Variants in RPL5 observed in about 807,000 individuals in gnomAD.
RPL5 encodes the protein ribosomal protein L5, also known as large ribosomal subunit protein uL18.
In RPL5, 1 loss-of-function variant was observed where a neutral mutation model predicts 38.4. The ratio of observed to expected loss-of-function variants is 0.03; its 90% CI spans 0.01 to 0.12. The LOEUF (loss-of-function observed/expected upper bound fraction) is 0.12. Among genes scored for constraint, RPL5 ranks in the 10% least tolerant of loss-of-function variants. The pLI, the probability that RPL5 is intolerant of heterozygous loss-of-function variation, is 1.00. For missense variants in RPL5, 243 were observed against 374.1 expected, an observed-to-expected ratio of 0.65 and a Z score of 2.89; for synonymous variants, 109 against 121.2, an observed-to-expected ratio of 0.90 and a Z score of 0.66.
At chr1:92,839,114 C>T (rs1225242766) in intron 6 of RPL5, among the ~76,000 whole-genome samples, 14 of 148,730 alleles carry the variant, frequency 9.4e-5, no homozygotes, top group Admixed American at 2.0e-4. Context: ...AATCCCCGGA[C>T]TTGGGAGGCC....
chr1:92,837,035 T>G, intron 5 of RPL5: 1 of 275,826 alleles, frequency 3.6e-6, no homozygotes. Context: ...GATGTGGAGG[T>G]GGGTGGGGGG....
chr1:92,841,733 AG>A, intron 7 of RPL5, 32 bp from the exon 8 acceptor site: 7 of 1,378,990 alleles, frequency 5.1e-6, no homozygotes, highest in Non-Finnish European at 7.2e-6. Context: ...CTTCAGTTAT[AG>A]TTTAAAAAAT....
chr1:92,834,028 T>C (rs1478301165), intron 3 of RPL5: 3 of 307,448 alleles, frequency 9.8e-6, no homozygotes, highest in African/African-American at 2.2e-5. Context: ...AGCCCCGAGG[T>C]TGAGGCTGCA....
At chr1:92,840,399 G>GT (rs1203158746) in intron 6 of RPL5, 152 bp from the exon 7 acceptor site, 4 of 659,970 alleles carry the variant, frequency 6.1e-6, no homozygotes, top group Non-Finnish European at 1.1e-5. Context: ...GAAAAGGTGA[G>GT]TTACATTTAG....
At position 92,832,133 on chromosome 1, in the gene RPL5, G is replaced by A; in HGVS notation, c.3+16G>A. Reference sequence around the variant, plus strand: ...CCGCAGGATGGTGAGTGGATGCCTCGGTCTCGGGGCTTTAGATGCATGGAG... The same window carrying A: ...CCGCAGGATGGTGAGTGGATGCCTCAGTCTCGGGGCTTTAGATGCATGGAG... On this transcript the variant is annotated intron_variant, in intron 1 of 7. Transcript: ENST00000370321. 6.2e-7 allele frequency: 1 copy of A among 1,614,044 alleles called. No individual in the cohort carries two copies. Among genetic ancestry groups the A allele is most frequent in the Non-Finnish European group, 8.5e-7 (1 of 1,179,964 alleles).
At chr1:92,837,228 TG>T in intron 5 of RPL5, 1 of 710,854 alleles carries the variant, frequency 1.4e-6, no homozygotes, top group Non-Finnish European at 2.6e-6. Context: ...GCCTTGGTAA[TG>T]GCTTTTAAAG....
At chr1:92,840,431 T>G (rs953369408) in intron 6 of RPL5, 120 bp from the exon 7 acceptor site, 4 of 763,580 alleles carry the variant, frequency 5.2e-6, no homozygotes, top group Non-Finnish European at 9.1e-6. Context: ...TTTACCAACA[T>G]TGATTTAGTT....
At chr1:92,839,914 C>T (rs1459012696) in intron 6 of RPL5, among the ~76,000 whole-genome samples, 1 of 151,304 alleles carries the variant, frequency 6.6e-6, no homozygotes, top group African/African-American at 2.4e-5. Context: ...AATTATAGCT[C>T]ATTGCAACTT....
chr1:92,833,309 C>T, intron 1 of RPL5, 80 bp from the exon 2 acceptor site: 3 of 1,191,148 alleles, frequency 2.5e-6, no homozygotes, highest in Admixed American at 1.8e-5. Flanking sequence ...TCAAGTGTTA[C>T]TTTGTTACAT....
upstream of RPL5, chr1:92,832,036 T>G: frequency 1.2e-6 from 2 of 1,600,458 alleles, no homozygotes; most frequent in Non-Finnish European, 1.7e-6. Flanking sequence ...GCAAGGGCTG[T>G]GGCCCTTTTC....
intron 1 of RPL5, chr1:92,832,323 A>C (rs1483993616): frequency 2.6e-6 from 2 of 763,028 alleles, no homozygotes; most frequent in Non-Finnish European, 2.2e-6. Context: ...TTGGCGAAGA[A>C]GGGTTGCGTG....
intron 4 of RPL5, 188 bp downstream of exon 4, chr1:92,835,101 A>C: frequency 1.3e-6 from 1 of 777,428 alleles, no homozygotes; most frequent in Non-Finnish European, 2.1e-6. Flanking sequence ...GCAATGACAC[A>C]AATCTGTAAT....
intron 4 of RPL5, among the ~76,000 whole-genome samples, chr1:92,835,551 T>C (rs570717743): frequency 6.6e-6 from 1 of 151,132 alleles, no homozygotes; most frequent in Non-Finnish European, 1.5e-5. Context: ...TCCCAACTAC[T>C]TGGGAGGCTG....
At position 92,833,037 on chromosome 1, in the gene RPL5, T is replaced by C. The variant is rs773100754; in HGVS notation, c.4-352T>C. 5.4e-6 allele frequency: 4 copies of C among 738,836 alleles called. No individual in the cohort carries two copies. The South Asian group carries it at 5.7e-5, about 11-fold the overall frequency. The allele number at this position is 738,836 out of a possible 1,614,324, so 45.8% of individuals were successfully genotyped here. A position where few individuals can be genotyped will look rare whatever the true frequency, so the allele number is the denominator to read the frequency against. On this transcript the variant is annotated intron_variant, in intron 1 of 7. Transcript: ENST00000370321. Reference sequence around the variant, plus strand: ...TGGCACAATTACCGGTGCTGGTCCTTGAAGAAACAAATATGGAAATTGAAA... The same window carrying C: ...TGGCACAATTACCGGTGCTGGTCCTCGAAGAAACAAATATGGAAATTGAAA...
intron 4 of RPL5, 25 bp from the exon 5 acceptor site, chr1:92,836,165 G>T (rs1453876601): frequency 6.3e-7 from 1 of 1,587,832 alleles, no homozygotes; most frequent in Admixed American, 1.7e-5. Context: ...ATTGAAACCA[G>T]CATTTACATT....
At chr1:92,835,594 A>G (rs1645479535) in intron 4 of RPL5, among the ~76,000 whole-genome samples, 1 of 144,646 alleles carries the variant, frequency 6.9e-6, no homozygotes, top group Admixed American at 7.2e-5. Flanking sequence ...CAGAAGGCAG[A>G]GGTTGCAGTG....
At chr1:92,838,512 TA>T (rs1687210957) in intron 6 of RPL5, among the ~76,000 whole-genome samples, 1 of 152,254 alleles carries the variant, frequency 6.6e-6, no homozygotes, top group Non-Finnish European at 1.5e-5. Flanking sequence ...GTTTACTTCC[TA>T]ATGCTTTCCT....
In RPL5 at chr1:92,834,856, G is replaced by A. The variant is rs770243476; in HGVS notation, c.267G>A (p.Lys89=). ...YAHELPKYGV[K]VGLTNYAAAY... ...ACGAACTGCCAAAATATGGTGTGAA[G>A]GTTGGCCTGACAAATTATGCTGCAG... The change falls in exon 4 of 8, where the codon AAG becomes AAA. Residue 89 remains lysine, a synonymous_variant. Coordinates refer to ENST00000370321, the MANE Select transcript of RPL5 (RefSeq NM_000969.5). 6.2e-7 allele frequency: 1 copy of A among 1,607,440 alleles called. No individual in the cohort carries two copies. The highest frequency in any genetic ancestry group is 8.5e-7 in the Non-Finnish European group (1 of 1,179,954).
At chr1:92,839,213 G>T (rs1308139990) in intron 6 of RPL5, among the ~76,000 whole-genome samples, 1 of 152,016 alleles carries the variant, frequency 6.6e-6, no homozygotes, top group Non-Finnish European at 1.5e-5. Context: ...ACAAAAATTA[G>T]CTGGGCATGG....
Sources: gnomAD v4.1 joint callset for allele counts (sites outside exome capture counted in the v4.1 genomes callset) on GRCh38, gnomAD v4.1.1 for gene constraint, MANE v1.5 for transcripts, NCBI Gene and HGNC (gene_info 2026-07-23, HGNC 2026-07-21) for gene names.